The following KCNH5 variants were observed in gnomAD, a reference collection of about 807,000 sequenced individuals.
KCNH5 encodes potassium voltage-gated channel subfamily H member 5, also known as voltage-gated delayed rectifier potassium channel KCNH5.
Under a neutral mutation model 96.1 loss-of-function variants are expected in KCNH5, and 46 were observed. The ratio of observed to expected loss-of-function variants is 0.48; its 90% CI spans 0.38 to 0.61. The LOEUF is 0.61. Ranked by LOEUF, KCNH5 falls within the 20% of genes least tolerant of loss-of-function variation. The pLI is 0.00. For synonymous variants in KCNH5, 439 were observed against 449.8 expected (o/e 0.98, Z 0.30); for missense variants, 907 against 1,225.8 (o/e 0.74, Z 3.88).
intron 2 of KCNH5, among the ~76,000 whole-genome samples, chr14:63,007,020 A>T (rs983088781): frequency 2.6e-5 from 4 of 152,188 alleles, no homozygotes; most frequent in African/African-American, 9.6e-5. Context: ...GAAATGAAAA[A>T]TAATAATGTT....
intron 8 of KCNH5, among the ~76,000 whole-genome samples, chr14:62,830,602 C>CTATCAT (rs1221265007): frequency 1.3e-5 from 2 of 151,964 alleles, no homozygotes; most frequent in Non-Finnish European, 2.9e-5. Flanking sequence ...AACTCACTCA[C>CTATCAT]TATCATGAGA....
intron 7 of KCNH5, among the ~76,000 whole-genome samples, chr14:62,927,490 C>T (rs1429360710): frequency 6.6e-6 from 1 of 152,044 alleles, no homozygotes; most frequent in East Asian, 1.9e-4. Flanking sequence ...AACCAAGTGT[C>T]CATCAACAGA....
rs765121582 is a variant in KCNH5, at chr14:63,045,211, G to C, written c.-25C>G. On this transcript the variant is annotated 5_prime_UTR_variant, in exon 1 of 11. Coordinates refer to ENST00000322893, the MANE Select transcript of KCNH5 (RefSeq NM_139318.5). ...TCCTGGGTCTGGAGAGCAGCGGCCA[G>C]GATCCGCGGCGGGGGAGGGGGGGAT... 38 of 1,602,168 alleles carry C rather than the reference G, an allele frequency of 2.4e-5. No homozygotes were observed. Among genetic ancestry groups the C allele is most frequent in the Non-Finnish European group, 3.2e-5 (38 of 1,171,270 alleles).
intron 7 of KCNH5, among the ~76,000 whole-genome samples, chr14:62,879,706 C>T (rs1191187239): frequency 6.6e-6 from 1 of 152,134 alleles, no homozygotes; most frequent in Non-Finnish European, 1.5e-5. Context: ...CATTAAAATT[C>T]ACTGTACCAT....
chr14:62,915,623 T>G (rs538215628), intron 7 of KCNH5, among the ~76,000 whole-genome samples: 1 of 152,330 alleles, frequency 6.6e-6, no homozygotes, highest in South Asian at 2.1e-4. Flanking sequence ...CAATTTACAT[T>G]GAAGTGAAAG....
chr14:62,979,550 TATAATA>T (rs917912808), intron 6 of KCNH5, among the ~76,000 whole-genome samples: 2 of 152,032 alleles, frequency 1.3e-5, no homozygotes, highest in Admixed American at 6.6e-5. Flanking sequence ...TACAATGTAT[TATAATA>T]ATAATAACAA....
At chr14:62,781,542 C>A (rs1382172548) in intron 9 of KCNH5, among the ~76,000 whole-genome samples, 1 of 152,094 alleles carries the variant, frequency 6.6e-6, no homozygotes, top group Non-Finnish European at 1.5e-5. Flanking sequence ...CCACGCCCGG[C>A]GGGGGGTGGG....
intron 7 of KCNH5, among the ~76,000 whole-genome samples, chr14:62,944,608 G>A (rs1208740056): frequency 2.6e-5 from 4 of 151,946 alleles, no homozygotes; most frequent in Non-Finnish European, 5.9e-5. Context: ...GTTCTTGTAG[G>A]AAAAAAATGA....
At chr14:62,997,760 C>A (rs956281947) in intron 4 of KCNH5, among the ~76,000 whole-genome samples, 2 of 151,468 alleles carry the variant, frequency 1.3e-5, no homozygotes, top group Non-Finnish European at 1.5e-5. Flanking sequence ...ATTAACCGGG[C>A]ATGGTGGTGG....
Position 63,045,050 on chromosome 14 carries a change from G to A in KCNH5, c.73+64C>T, listed in dbSNP as rs535640949. The A allele has an allele frequency of 5.1e-4, 644 of 1,262,610 alleles. 6 individuals are homozygous for A. In the African/African-American group the frequency reaches 8.2e-3, roughly 16 times the overall value. 78.2% of individuals were successfully genotyped at this position (1,262,610 alleles called of 1,614,324 possible). Reference sequence around the variant, plus strand: ...CCCCTTGGGAGAGGGATGGGATGGGGAGGATGGGGGGCGCGTGTGGGCGGG... The same window carrying A: ...CCCCTTGGGAGAGGGATGGGATGGGAAGGATGGGGGGCGCGTGTGGGCGGG... On this transcript the variant is annotated intron_variant, in intron 1 of 10. Transcript: ENST00000322893.
At chr14:62,746,948 T>C (rs1885389189) in intron 10 of KCNH5, among the ~76,000 whole-genome samples, 1 of 152,244 alleles carries the variant, frequency 6.6e-6, no homozygotes. Flanking sequence ...AAACACGCTA[T>C]CATGTTAAGA....
chr14:62,753,647 C>G (rs2139947530), intron 10 of KCNH5, among the ~76,000 whole-genome samples: 1 of 152,258 alleles, frequency 6.6e-6, no homozygotes, highest in African/African-American at 2.4e-5. Flanking sequence ...TGGCAGCAGA[C>G]TTTTCAGTGT....
In KCNH5 at chr14:62,704,172, A is replaced by C. The variant is rs1246029143; in HGVS notation, c.*3336T>G. ...CAGAAGTACACATTTTTTCTAGAGC[A>C]ATTTCAAACCCCAGATTTTCCATTT... On this transcript the variant is annotated 3_prime_UTR_variant, in exon 11 of 11. Transcript: ENST00000322893. 3 of 151,902 alleles carry C rather than the reference A, an allele frequency of 2.0e-5. No individual in the cohort carries two copies. Among genetic ancestry groups the C allele is most frequent in the South Asian group, 4.1e-4 (2 of 4,826 alleles). The allele number at this position is 151,902 out of a possible 1,614,324, so 9.4% of individuals were successfully genotyped here. A position where few individuals can be genotyped will look rare whatever the true frequency, so the allele number is the denominator to read the frequency against.
Position 62,772,636 on chromosome 14 carries a change from GAAA to G in KCNH5, c.2019+7089_2019+7091del, listed in dbSNP as rs3045398. 5.7e-3 allele frequency among the ~76,000 whole-genome samples: 480 copies of G among 84,690 alleles called. 3 individuals are homozygous for G. Among genetic ancestry groups the G allele is most frequent in the African/African-American group, 0.016 (331 of 21,192 alleles). The allele number at this position is 84,690 out of a possible 152,430, so 55.6% of individuals were successfully genotyped here. A position where few individuals can be genotyped will look rare whatever the true frequency, so the allele number is the denominator to read the frequency against. On this transcript the variant is annotated intron_variant, in intron 10 of 10. Coordinates refer to ENST00000322893, the MANE Select transcript of KCNH5 (RefSeq NM_139318.5). ...TGGGACACAGAGTGAGACTTTGTCT[GAAA>G]AAAAAAAAAAAAAAAAAAAGTAGCA...
chr14:62,913,243 T>C (rs1167724270), intron 7 of KCNH5, among the ~76,000 whole-genome samples: 2 of 152,150 alleles, frequency 1.3e-5, no homozygotes, highest in East Asian at 3.9e-4. Context: ...CTTTTTTTTT[T>C]TGAGACGGAG....
chr14:62,804,541 C>CAA (rs1200616385), intron 8 of KCNH5, among the ~76,000 whole-genome samples: 1 of 151,880 alleles, frequency 6.6e-6, no homozygotes, highest in Non-Finnish European at 1.5e-5. Context: ...AATTGCAATA[C>CAA]AATGAAAAAA....
intron 10 of KCNH5, among the ~76,000 whole-genome samples, chr14:62,757,885 T>C (rs972335555): frequency 2.0e-5 from 3 of 152,016 alleles, no homozygotes; most frequent in Admixed American, 6.6e-5. Flanking sequence ...GTGGCTCACA[T>C]CTGTAATCCC....
intron 10 of KCNH5, among the ~76,000 whole-genome samples, chr14:62,718,906 T>C (rs1884745765): frequency 6.6e-6 from 1 of 152,166 alleles, no homozygotes; most frequent in South Asian, 2.1e-4. Context: ...CATAATGCAA[T>C]GTAGAGAAAC....
chr14:63,014,862 C>A (rs1010102850), intron 2 of KCNH5, among the ~76,000 whole-genome samples: 1 of 152,064 alleles, frequency 6.6e-6, no homozygotes, highest in East Asian at 1.9e-4. Context: ...ATAAGAAATG[C>A]GAGTGTGAGT....
Sources: allele counts gnomAD v4.1 joint callset (sites outside exome capture counted in the v4.1 genomes callset), GRCh38; gene constraint gnomAD v4.1.1; transcripts MANE v1.5; gene names NCBI Gene and HGNC (gene_info 2026-07-23, HGNC 2026-07-21).